The following LYPLA1 variants were observed in gnomAD, a reference collection of about 807,000 sequenced individuals.
LYPLA1 encodes lysophospholipase 1.
LYPLA1 carries 17 observed loss-of-function variants against 34.0 expected under a neutral mutation model. The ratio of observed to expected loss-of-function variants is 0.50; its 90% CI spans 0.34 to 0.75. The LOEUF (loss-of-function observed/expected upper bound fraction) is 0.75, where lower values mean the gene tolerates loss of function less well. Among genes scored for constraint, LYPLA1 ranks in the 30% least tolerant of loss-of-function variants. LYPLA1 has a pLI of 0.01. For missense variants in LYPLA1, 203 were observed against 288.8 expected (o/e 0.70, Z 2.15); for synonymous variants, 98 against 100.8 (o/e 0.97, Z 0.17).
chr8:54,052,463 G>A (rs891510588), intron 7 of LYPLA1, among the ~76,000 whole-genome samples, 192 bp downstream of exon 7: 2 of 152,074 alleles, frequency 1.3e-5, no homozygotes, highest in Non-Finnish European at 2.9e-5. Flanking sequence ...TGATGGTGGG[G>A]AGGCTGTGCA....
chr8:54,062,167 A>G (rs1317476828), intron 5 of LYPLA1, 87 bp downstream of exon 5: 7 of 983,140 alleles, frequency 7.1e-6, no homozygotes, highest in Non-Finnish European at 1.1e-5. Flanking sequence ...CCAAATGTGT[A>G]ATTTTTAACC....
rs1228814180 is a variant in LYPLA1, at chr8:54,048,000, G to A, written c.*65C>T. 19 of 1,125,524 alleles carry A rather than the reference G, an allele frequency of 1.7e-5. No individual in the cohort carries two copies. The Admixed American group carries it at 3.6e-4, about 22-fold the overall frequency. The allele number at this position is 1,125,524 out of a possible 1,614,324, so 69.7% of individuals were successfully genotyped here. A position where few individuals can be genotyped will look rare whatever the true frequency, so the allele number is the denominator to read the frequency against. On this transcript the variant is annotated 3_prime_UTR_variant, in exon 9 of 9. Transcript: ENST00000316963. Reference sequence around the variant, plus strand: ...CATTAGAAATTTGAAGACTGGGCATGGGAAAAGGTTTACACTCTACTACAA... The same window carrying A: ...CATTAGAAATTTGAAGACTGGGCATAGGAAAAGGTTTACACTCTACTACAA...
chr8:54,075,911 T>C (rs984292440), intron 2 of LYPLA1, among the ~76,000 whole-genome samples: 2 of 152,228 alleles, frequency 1.3e-5, no homozygotes, highest in African/African-American at 4.8e-5. Flanking sequence ...ATGATTCCTA[T>C]GGAATCATTA....
At chr8:54,064,380 G>T (rs1029657390) in intron 3 of LYPLA1, among the ~76,000 whole-genome samples, 2 of 151,970 alleles carry the variant, frequency 1.3e-5, no homozygotes, top group Non-Finnish European at 2.9e-5. Flanking sequence ...TTATGCCACT[G>T]CACTCCATCT....
intron 2 of LYPLA1, among the ~76,000 whole-genome samples, chr8:54,095,621 T>C (rs958587485): frequency 4.6e-5 from 7 of 152,274 alleles, no homozygotes; most frequent in African/African-American, 1.7e-4. Flanking sequence ...CATCATGAGG[T>C]CTGCCTAATA....
intron 3 of LYPLA1, among the ~76,000 whole-genome samples, chr8:54,063,729 T>A (rs1468175442): frequency 6.6e-6 from 1 of 152,228 alleles, no homozygotes; most frequent in Non-Finnish European, 1.5e-5. Flanking sequence ...CTAAGGACAA[T>A]GAGTGATTTA....
At chr8:54,060,029 C>T (rs1806483993) in intron 5 of LYPLA1, among the ~76,000 whole-genome samples, 1 of 152,228 alleles carries the variant, frequency 6.6e-6, no homozygotes, top group Non-Finnish European at 1.5e-5. Context: ...ACCAGATTTT[C>T]CTGAAGGCAA....
At chr8:54,049,523 A>C (rs1444897876) in intron 8 of LYPLA1, among the ~76,000 whole-genome samples, 1 of 152,054 alleles carries the variant, frequency 6.6e-6, no homozygotes, top group Non-Finnish European at 1.5e-5. Context: ...CTCAGCCTCT[A>C]GAGTAATTGG....
chr8:54,086,705 A>G (rs1449694950), intron 2 of LYPLA1, among the ~76,000 whole-genome samples: 2 of 151,978 alleles, frequency 1.3e-5, no homozygotes, highest in African/African-American at 4.8e-5. Flanking sequence ...TCCACAAAAA[A>G]TAAGAAAATT....
At chr8:54,078,553 A>C (rs984282620) in intron 2 of LYPLA1, among the ~76,000 whole-genome samples, 5 of 152,230 alleles carry the variant, frequency 3.3e-5, no homozygotes, top group Admixed American at 3.3e-4. Flanking sequence ...TGCCAGATGT[A>C]ACCCCATTGT....
At chr8:54,072,130 T>C (rs1282097632) in intron 2 of LYPLA1, among the ~76,000 whole-genome samples, 1 of 151,930 alleles carries the variant, frequency 6.6e-6, no homozygotes, top group Non-Finnish European at 1.5e-5. Flanking sequence ...AAACAAGCAA[T>C]GGGAAAAAGG....
Position 54,084,165 on chromosome 8 carries a change from A to T in LYPLA1, c.101+16743T>A, listed in dbSNP as rs1416297694. Reference sequence around the variant, plus strand: ...AAATATATATATATATATATATATAAAATAAAGACCTCAAATTAACAACCT... The same window carrying T: ...AAATATATATATATATATATATATATAATAAAGACCTCAAATTAACAACCT... On this transcript the variant is annotated intron_variant, in intron 2 of 8. Coordinates refer to ENST00000316963, the MANE Select transcript of LYPLA1 (RefSeq NM_006330.4). Among the ~76,000 whole-genome samples, 309 of 135,116 alleles carry T rather than the reference A, an allele frequency of 2.3e-3. 4 individuals carry two copies. The highest frequency in any genetic ancestry group is 8.7e-3 in the African/African-American group (278 of 31,954). The allele number at this position is 135,116 out of a possible 152,430, so 88.6% of individuals were successfully genotyped here. A position where few individuals can be genotyped will look rare whatever the true frequency, so the allele number is the denominator to read the frequency against.
At chr8:54,101,685 C>T in intron 1 of LYPLA1, 70 bp downstream of exon 1, 5 of 1,211,522 alleles carry the variant, frequency 4.1e-6, no homozygotes, top group Non-Finnish European at 5.2e-6. Flanking sequence ...GCAACGCCCA[C>T]CCCGCGCGAG....
chr8:54,049,053 T>G (rs1446285924), intron 8 of LYPLA1, among the ~76,000 whole-genome samples: 1 of 152,234 alleles, frequency 6.6e-6, no homozygotes, highest in African/African-American at 2.4e-5. Context: ...GGACTTCCCC[T>G]GCCCTCTCTT....
chr8:54,085,779 ACCC>A (rs202109968), intron 2 of LYPLA1, among the ~76,000 whole-genome samples: 1 of 146,640 alleles, frequency 6.8e-6, no homozygotes, highest in African/African-American at 2.5e-5. Flanking sequence ...GGCAGCCCCC[ACCC>A]CGGCCAGCCG....
intron 2 of LYPLA1, among the ~76,000 whole-genome samples, chr8:54,078,715 C>T (rs1808083379): frequency 6.6e-6 from 1 of 152,030 alleles, no homozygotes; most frequent in Non-Finnish European, 1.5e-5. Flanking sequence ...GAGCTGTTTG[C>T]CCTGAGGTAA....
chr8:54,068,672 T>C (rs947099148), intron 2 of LYPLA1, among the ~76,000 whole-genome samples: 1 of 152,176 alleles, frequency 6.6e-6, no homozygotes, highest in Non-Finnish European at 1.5e-5. Context: ...TGCTACCTCA[T>C]ACCATATGTA....
intron 2 of LYPLA1, among the ~76,000 whole-genome samples, chr8:54,086,617 C>T (rs947484949): frequency 1.3e-4 from 19 of 143,274 alleles, no homozygotes; most frequent in Non-Finnish European, 7.5e-5. Context: ...TAATCCAACA[C>T]TTTAAGAGCC....
chr8:54,054,416 C>T (rs952043903), intron 6 of LYPLA1: 2 of 152,296 alleles, frequency 1.3e-5, no homozygotes, highest in African/African-American at 4.8e-5. Context: ...CTACTGAATT[C>T]TATCTTCTAA....
Sources: gnomAD v4.1 joint callset for allele counts (sites outside exome capture counted in the v4.1 genomes callset) on GRCh38, gnomAD v4.1.1 for gene constraint, MANE v1.5 for transcripts, NCBI Gene and HGNC (gene_info 2026-07-23, HGNC 2026-07-21) for gene names.